PPP1R3A: variants seen among roughly 807,000 people sequenced by gnomAD.
The protein encoded by PPP1R3A is protein phosphatase 1 regulatory subunit 3A, also known as RG1.
PPP1R3A carries 29 observed loss-of-function variants against 41.7 expected under a neutral mutation model. That is an observed-to-expected ratio of 0.70 (90% CI 0.52 to 0.95). PPP1R3A has a LOEUF of 0.95. Ranked by LOEUF, PPP1R3A falls within the 40% of genes least tolerant of loss-of-function variation. The pLI is 0.00. For synonymous variants in PPP1R3A, 485 were observed against 453.4 expected, an observed-to-expected ratio of 1.07 and a Z score of -0.89; for missense variants, 1,352 against 1,292.4, an observed-to-expected ratio of 1.05 and a Z score of -0.71.
At chr7:113,895,975 A>C (rs1796969398) in intron 1 of PPP1R3A, among the ~76,000 whole-genome samples, 1 of 151,890 alleles carries the variant, frequency 6.6e-6, no homozygotes, top group African/African-American at 2.4e-5. Flanking sequence ...GCAAATGAAA[A>C]AGAACTCAAT....
Position 113,878,066 on chromosome 7 carries a change from C to A in PPP1R3A, c.3026G>T (p.Gly1009Val). ...TEEYSVEKSL[G>V]PMILINKPLE... ...AGGTTTGTTGATTAAAATCATTGGC[C>A]CTAGAGATTTTTCCACACTATACTC... Residue 1009 changes from glycine to valine, a missense_variant, in exon 4 of 4, where the codon GGG becomes GTG. Transcript: ENST00000284601. The A allele has an allele frequency of 6.2e-7, 1 of 1,613,174 alleles. No individual in the cohort carries two copies. The highest frequency in any genetic ancestry group is 8.5e-7 in the Non-Finnish European group (1 of 1,179,610).
Position 113,877,740 on chromosome 7 carries a change from A to G in PPP1R3A, c.3352T>C (p.Ser1118Pro), listed in dbSNP as rs772904083. 2.6e-6 allele frequency: 4 copies of G among 1,552,470 alleles called. No individual in the cohort carries two copies. The African/African-American group carries it at 5.5e-5, about 21-fold the overall frequency. The change falls in exon 4 of 4, where the codon TCT becomes CCT. Residue 1118 changes from serine (S) to proline (P), a missense_variant. Coordinates refer to ENST00000284601, the MANE Select transcript of PPP1R3A (RefSeq NM_002711.4). ...LSWEEGRQKESVKKK is the reference protein window; with the variant it reads ...LSWEEGRQKEPVKKK Reference sequence around the variant, plus strand: ...TGCTGAGGTTACTTCTTTTTGACAGACTCTTTTTGTCTACCCTCTTCCCAG... The same window carrying G: ...TGCTGAGGTTACTTCTTTTTGACAGGCTCTTTTTGTCTACCCTCTTCCCAG...
rs577047150 is a variant in PPP1R3A at position 113,879,996 on chromosome 7, A to T, written c.1096T>A (p.Cys366Ser). Residue 366 changes from cysteine to serine, a missense_variant, in exon 4 of 4, where the codon TGT becomes AGT. Transcript: ENST00000284601. ...LEKKQIHGEI[C>S]TDLFQRSLSP... Reference sequence around the variant, plus strand: ...AGAGACCTTTGGAACAAGTCAGTACATATTTCACCATGGATTTGCTTCTTC... The same window carrying T: ...AGAGACCTTTGGAACAAGTCAGTACTTATTTCACCATGGATTTGCTTCTTC... 1 of 1,612,706 alleles carries T rather than the reference A, an allele frequency of 6.2e-7. No individual in the cohort carries two copies. The highest frequency in any genetic ancestry group is 1.3e-5 in the African/African-American group (1 of 74,956).
rs1479932510 is a variant in PPP1R3A at position 113,878,461 on chromosome 7, T to A, written c.2631A>T (p.Ser877=). Residue 877 remains serine (S), a synonymous_variant, in exon 4 of 4, where the codon TCA becomes TCT. Coordinates refer to ENST00000284601, the MANE Select transcript of PPP1R3A (RefSeq NM_002711.4). ...GMLPTDKTVF[S]ENRDLRQVQE... The stretch of plus-strand genomic sequence containing the variant: ...GAACCTGCCTAAGATCTCTGTTTTC[T>A]GAAAATACAGTTTTGTCTGTTGGTA... 7.4e-6 allele frequency: 12 copies of A among 1,612,774 alleles called. No individual in the cohort carries two copies. The highest frequency in any genetic ancestry group is 1.3e-5 in the African/African-American group (1 of 74,874).
chr7:113,901,228 G>A (rs1032418151), intron 1 of PPP1R3A, among the ~76,000 whole-genome samples: 2 of 151,668 alleles, frequency 1.3e-5, no homozygotes, highest in African/African-American at 4.8e-5. Context: ...TCCAAAGAGG[G>A]TATAGGAGCC....
chr7:113,895,432 A>C (rs1405804978), intron 1 of PPP1R3A, among the ~76,000 whole-genome samples: 2 of 151,996 alleles, frequency 1.3e-5, no homozygotes, highest in Non-Finnish European at 2.9e-5. Context: ...ACAACAATGA[A>C]GTGAATATCT....
chr7:113,904,181 A>G (rs1256500328), intron 1 of PPP1R3A, among the ~76,000 whole-genome samples: 1 of 151,730 alleles, frequency 6.6e-6, no homozygotes, highest in Non-Finnish European at 1.5e-5. Flanking sequence ...TATGTAAAAT[A>G]GGGACTGTAA....
Position 113,896,886 on chromosome 7 carries a change from T to C in PPP1R3A, c.783-14566A>G, listed in dbSNP as rs185011564. ...AAAAATATGAAAAAAACATATGGAGTAAAAGTTGTTCAGTCTTTGAACTAA... is the reference window on the plus strand; with the variant it reads ...AAAAATATGAAAAAAACATATGGAGCAAAAGTTGTTCAGTCTTTGAACTAA... On this transcript the variant is annotated intron_variant, in intron 1 of 3. Coordinates refer to ENST00000284601, the MANE Select transcript of PPP1R3A (RefSeq NM_002711.4). 1.4e-3 allele frequency among the ~76,000 whole-genome samples: 218 copies of C among 151,782 alleles called. 1 individual carries two copies. Among genetic ancestry groups the C allele is most frequent in the Middle Eastern group, 6.8e-3 (2 of 294 alleles).
At chr7:113,891,084 CAAAAAAAAAAAA>C (rs11342726) in intron 1 of PPP1R3A, among the ~76,000 whole-genome samples, 4 of 79,788 alleles carry the variant, frequency 5.0e-5, no homozygotes, top group African/African-American at 1.0e-4. Flanking sequence ...GGAAAAAAAG[CAAAAAAAAAAAA>C]AAAAAAAAAA....
chr7:113,918,749 C>T lies in PPP1R3A; in HGVS notation c.248G>A (p.Trp83Ter). The change falls in exon 1 of 4, where the codon TGG becomes TAG. Residue 83 changes from tryptophan (W) to a stop codon, truncating the protein, a stop_gained. Coordinates refer to ENST00000284601, the MANE Select transcript of PPP1R3A (RefSeq NM_002711.4). LOFTEE classifies it high-confidence loss of function. ...NLVSVKEFDC[W>*]ELPSASTTFD... ...AGTGGTTGAAGCACTCGGTAATTCC[C>T]AGCAATCAAATTCTTTAACAGACAC... 2 of 1,613,840 alleles carry T rather than the reference C, an allele frequency of 1.2e-6. No individual in the cohort carries two copies. The highest frequency in any genetic ancestry group is 8.5e-7 in the Non-Finnish European group (1 of 1,179,878).
At chr7:113,912,346 A>C (rs1275779761) in intron 1 of PPP1R3A, among the ~76,000 whole-genome samples, 1 of 152,132 alleles carries the variant, frequency 6.6e-6, no homozygotes, top group Non-Finnish European at 1.5e-5. Context: ...GCCACCCTCG[A>C]GGGGTCTCCA....
rs1295699121 is a variant in PPP1R3A at position 113,879,852 on chromosome 7, C to T, written c.1240G>A (p.Glu414Lys). Reference protein sequence around the residue: ...PSEETTSNMGEIKPSLGDTSS... With the variant: ...PSEETTSNMGKIKPSLGDTSS... ...GTATCTCCCAATGATGGCTTGATTT[C>T]TCCCATATTTGAAGTAGTTTCCTCT... Residue 414 changes from glutamate (E) to lysine (K), a missense_variant, in exon 4 of 4, where the codon GAA (glutamate) becomes AAA (lysine). Glu to Lys is a moderately conservative substitution (Grantham distance 56, BLOSUM62 1). Transcript: ENST00000284601. 6.2e-7 allele frequency: 1 copy of T among 1,613,508 alleles called. No homozygotes were observed. Among genetic ancestry groups the T allele is most frequent in the African/African-American group, 1.3e-5 (1 of 74,960 alleles).
chr7:113,891,246 AAC>A (rs980232199), intron 1 of PPP1R3A, among the ~76,000 whole-genome samples: 36 of 152,124 alleles, frequency 2.4e-4, no homozygotes, highest in African/African-American at 8.4e-4. Context: ...GCCTACTCCT[AAC>A]ACAGAGTAAT....
At chr7:113,889,345 T>C (rs1294341159) in intron 1 of PPP1R3A, among the ~76,000 whole-genome samples, 1 of 152,146 alleles carries the variant, frequency 6.6e-6, no homozygotes, top group Non-Finnish European at 1.5e-5. Context: ...AATAAAGAAT[T>C]ATGCAGAGGT....
chr7:113,877,367 G>GAA lies in PPP1R3A; in HGVS notation c.*354_*355dup. On this transcript the variant is annotated 3_prime_UTR_variant, in exon 4 of 4. Coordinates refer to ENST00000284601, the MANE Select transcript of PPP1R3A (RefSeq NM_002711.4). Reference sequence around the variant, plus strand: ...AGGGGAAAATATATACTCTCAAGGGGAAAAAAAAATGAAGCTTTATTGCAA... The same window carrying GAA: ...AGGGGAAAATATATACTCTCAAGGGGAAAAAAAAAAATGAAGCTTTATTGCAA... 5.9e-6 allele frequency: 1 copy of GAA among 168,888 alleles called. No individual in the cohort carries two copies. The highest frequency in any genetic ancestry group is 1.9e-4 in the South Asian group (1 of 5,248). 10.5% of individuals were successfully genotyped at this position (168,888 alleles called of 1,614,324 possible).
At position 113,877,252 on chromosome 7, in the gene PPP1R3A, A is replaced by ATCATACAG. The variant is rs1796581093; in HGVS notation, c.*470_*471insCTGTATGA. On this transcript the variant is annotated 3_prime_UTR_variant, in exon 4 of 4. Transcript: ENST00000284601. ...ATATTTGATCAATGAATCCTGATAA[A>ATCATACAG]TGATAAATTGAACAAATTTCATGTT... 1.1e-5 allele frequency: 1 copy of ATCATACAG among 93,440 alleles called. No homozygotes were observed. The highest frequency in any genetic ancestry group is 2.4e-5 in the Non-Finnish European group (1 of 41,570). 5.8% of individuals were successfully genotyped at this position (93,440 alleles called of 1,614,324 possible).
At position 113,878,568 on chromosome 7, in the gene PPP1R3A, T is replaced by C; in HGVS notation, c.2524A>G (p.Ile842Val). ...HDREKCGTGN[I>V]TSVEESSWVI... ...CATGAGGATTCTTCCACAGATGTTA[T>C]ATTTCCAGTGCCACATTTCTCCCTG... The change falls in exon 4 of 4, where the codon ATA becomes GTA. Residue 842 changes from isoleucine to valine, a missense_variant. Physicochemically the swap from Ile to Val is conservative, Grantham distance 29. Transcript: ENST00000284601. The C allele has an allele frequency of 6.2e-7, 1 of 1,613,684 alleles. No homozygotes were observed. The highest frequency in any genetic ancestry group is 8.5e-7 in the Non-Finnish European group (1 of 1,179,734).
At chr7:113,882,899 C>A (rs796722885) in intron 1 of PPP1R3A, among the ~76,000 whole-genome samples, 2 of 152,116 alleles carry the variant, frequency 1.3e-5, no homozygotes, top group African/African-American at 4.8e-5. Flanking sequence ...TAAATTTATA[C>A]TCAGTTAAAA....
Position 113,878,218 on chromosome 7 carries a change from T to C in PPP1R3A, c.2874A>G (p.Arg958=). Residue 958 remains arginine (R), a synonymous_variant, in exon 4 of 4, where the codon AGA becomes AGG. Transcript: ENST00000284601. ...TKSENICNST[R]EIQGIEKHPY... is the part of the protein sequence containing the mutation. ...GGTGCTTCTCAATACCCTGGATTTC[T>C]CTTGTTGAATTACAAATATTTTCTG... The C allele has an allele frequency of 6.2e-7, 1 of 1,613,330 alleles. No individual in the cohort carries two copies. Among genetic ancestry groups the C allele is most frequent in the Non-Finnish European group, 8.5e-7 (1 of 1,179,634 alleles).
Sources: gnomAD v4.1 joint callset for allele counts (sites outside exome capture counted in the v4.1 genomes callset) on GRCh38, gnomAD v4.1.1 for gene constraint, MANE v1.5 for transcripts, NCBI Gene and HGNC (gene_info 2026-07-23, HGNC 2026-07-21) for gene names.